The following TRPM3 variants were observed in gnomAD, a reference collection of about 807,000 sequenced individuals.
TRPM3 encodes the protein transient receptor potential cation channel subfamily M member 3, also known as long transient receptor potential channel 3.
Under a neutral mutation model 181.2 loss-of-function variants are expected in TRPM3, and 77 were observed. That is an observed-to-expected ratio of 0.42 (90% CI 0.35 to 0.51). The LOEUF is 0.51. Among genes scored for constraint, TRPM3 ranks in the 20% least tolerant of loss-of-function variants. The probability of loss-of-function intolerance (pLI) is 0.01; values close to 1 mark genes in which losing one functional copy is unlikely to be tolerated. For missense variants in TRPM3, 1,759 were observed against 2,196.7 expected (o/e 0.80, Z 3.98); for synonymous variants, 745 against 796.4 (o/e 0.94, Z 1.09).
intron 7 of TRPM3, chr9:70,774,565 C>A (rs1471408996): frequency 1.3e-5 from 2 of 152,124 alleles, no homozygotes; most frequent in African/African-American, 4.8e-5. Flanking sequence ...CAAGGGTCAA[C>A]TGTATTTGTC....
intron 1 of TRPM3, among the ~76,000 whole-genome samples, chr9:71,153,575 G>T (rs748292959): frequency 6.6e-6 from 1 of 152,092 alleles, no homozygotes; most frequent in Non-Finnish European, 1.5e-5. Flanking sequence ...GAGCCACCAC[G>T]CCCGGCCAAA....
At chr9:71,266,498 C>T (rs545976841) in intron 1 of TRPM3, among the ~76,000 whole-genome samples, 18 of 152,154 alleles carry the variant, frequency 1.2e-4, no homozygotes, top group Non-Finnish European at 2.5e-4. Flanking sequence ...AATCCCCTCC[C>T]TTCTTTATCC....
Position 70,553,278 on chromosome 9 carries a change from C to T in TRPM3, c.3256G>A (p.Gly1086Ser), listed in dbSNP as rs1490719942. Residue 1086 changes from glycine (G) to serine (S), a missense_variant, in exon 23 of 26, where the codon GGT (glycine) becomes AGT (serine). By Grantham distance (56) the Gly-to-Ser change is moderately conservative. This residue lies in a region of TRPM3 where 94 missense variants were observed against 221.3 expected (regional missense o/e 0.42). Transcript: ENST00000677713. ...PCGQNETRED[G>S]KIIQLPPCKT... is the part of the protein sequence containing the mutation. ...CAGGGAGGCAGCTGGATTATTTTAC[C>T]ATCCTCTCGGGTCTCATTCTGTCCA... The T allele has an allele frequency of 6.2e-7, 1 of 1,614,010 alleles. No individual in the cohort carries two copies. Among genetic ancestry groups the T allele is most frequent in the Non-Finnish European group, 8.5e-7 (1 of 1,180,042 alleles).
chr9:70,965,702 G>A (rs1222082156), intron 1 of TRPM3, among the ~76,000 whole-genome samples: 3 of 151,988 alleles, frequency 2.0e-5, no homozygotes, highest in Non-Finnish European at 4.4e-5. Flanking sequence ...GAGGGTTTTT[G>A]CATCATTGTT....
chr9:70,799,079 G>A (rs1200839419), intron 6 of TRPM3, among the ~76,000 whole-genome samples: 3 of 152,130 alleles, frequency 2.0e-5, no homozygotes, highest in African/African-American at 7.2e-5. Context: ...AAAGTATCTC[G>A]GTCACCAGGG....
chr9:70,808,492 T>G (rs912312601), intron 6 of TRPM3, among the ~76,000 whole-genome samples: 1 of 152,234 alleles, frequency 6.6e-6, no homozygotes, highest in African/African-American at 2.4e-5. Flanking sequence ...GAAACCAGTT[T>G]CGCTAAAATT....
intron 1 of TRPM3, among the ~76,000 whole-genome samples, chr9:71,201,037 C>T (rs1405388830): frequency 2.6e-5 from 4 of 151,766 alleles, no homozygotes; most frequent in Admixed American, 2.0e-4. Flanking sequence ...ATGTTTAGTG[C>T]TTCCTTCAGG....
intron 1 of TRPM3, among the ~76,000 whole-genome samples, chr9:71,244,705 C>A (rs2081934638): frequency 6.6e-6 from 1 of 152,132 alleles, no homozygotes; most frequent in South Asian, 2.1e-4. Flanking sequence ...TTCTTTCCAG[C>A]AAATGTTGAA....
At chr9:70,676,230 C>A (rs2063966468) in intron 9 of TRPM3, among the ~76,000 whole-genome samples, 2 of 152,194 alleles carry the variant, frequency 1.3e-5, no homozygotes, top group South Asian at 4.1e-4. Context: ...ACACAAATTT[C>A]TCATTTATGG....
chr9:70,612,753 T>C (rs1451872502), intron 18 of TRPM3, among the ~76,000 whole-genome samples: 1 of 152,232 alleles, frequency 6.6e-6, no homozygotes, highest in Middle Eastern at 3.2e-3. Context: ...TAAATATTGA[T>C]CATTGACCTC....
At chr9:71,006,852 C>A (rs1225256313) in intron 1 of TRPM3, among the ~76,000 whole-genome samples, 74 of 123,504 alleles carry the variant, frequency 6.0e-4, no homozygotes, top group Non-Finnish European at 1.0e-3. Context: ...GCCTGGGCGA[C>A]AGAGCGAGAC....
At chr9:70,911,722 G>A (rs895983500) in intron 1 of TRPM3, among the ~76,000 whole-genome samples, 3 of 152,138 alleles carry the variant, frequency 2.0e-5, no homozygotes, top group African/African-American at 7.2e-5. Flanking sequence ...TAGTCCTGCT[G>A]ATTCTAGTTT....
At chr9:71,255,611 G>A (rs1437061709) in intron 1 of TRPM3, among the ~76,000 whole-genome samples, 1 of 152,180 alleles carries the variant, frequency 6.6e-6, no homozygotes, top group Non-Finnish European at 1.5e-5. Flanking sequence ...GCCTGATGAT[G>A]TTGAAGTCTA....
In TRPM3 at chr9:70,604,610, G is replaced by A. The variant is rs185903697; in HGVS notation, c.2668-1140C>T. Among the ~76,000 whole-genome samples, 9 of 152,338 alleles carry A rather than the reference G, an allele frequency of 5.9e-5. No individual in the cohort carries two copies. The East Asian group carries it at 1.7e-3, about 29-fold the overall frequency. ...GGCAGCTTAGAAGGTGGAGGAAGCT[G>A]CAGCCTTGCTGGGGGATATGCTGCT... On this transcript the variant is annotated intron_variant, in intron 19 of 25. Transcript: ENST00000677713.
At chr9:70,806,580 C>T (rs573935607) in intron 6 of TRPM3, among the ~76,000 whole-genome samples, 1 of 152,150 alleles carries the variant, frequency 6.6e-6, no homozygotes, top group East Asian at 1.9e-4. Context: ...AGCCCAGCTA[C>T]TCGGGAGGCT....
At chr9:71,032,524 A>G (rs1590828381) in intron 1 of TRPM3, among the ~76,000 whole-genome samples, 1 of 152,108 alleles carries the variant, frequency 6.6e-6, no homozygotes, top group South Asian at 2.1e-4. Context: ...GCATTTTACC[A>G]ATGTATTTTG....
chr9:70,669,843 C>A (rs2062586123), intron 9 of TRPM3, among the ~76,000 whole-genome samples: 1 of 150,672 alleles, frequency 6.6e-6, no homozygotes, highest in South Asian at 2.1e-4. Flanking sequence ...CTCAAGCGAT[C>A]CTTTCATGTC....
At chr9:71,231,905 C>T (rs1054598324) in intron 1 of TRPM3, among the ~76,000 whole-genome samples, 1 of 152,056 alleles carries the variant, frequency 6.6e-6, no homozygotes, top group African/African-American at 2.4e-5. Flanking sequence ...AACATGAAAC[C>T]CTTGAACCTA....
intron 8 of TRPM3, among the ~76,000 whole-genome samples, chr9:70,700,046 G>A (rs1368915363): frequency 6.6e-6 from 1 of 152,098 alleles, no homozygotes; most frequent in Non-Finnish European, 1.5e-5. Context: ...GTAATGGTGT[G>A]ATCTTGGTTC....
Sources: allele counts gnomAD v4.1 joint callset (sites outside exome capture counted in the v4.1 genomes callset), GRCh38; gene constraint gnomAD v4.1.1; regional missense constraint gnomAD v4.1.1; transcripts MANE v1.5; gene names NCBI Gene and HGNC (gene_info 2026-07-23, HGNC 2026-07-21).